Variants in PLEKHM3 observed in about 807,000 individuals in gnomAD.
The protein encoded by PLEKHM3 is pleckstrin homology domain-containing family M member 3.
Under a neutral mutation model 81.8 loss-of-function variants are expected in PLEKHM3, and 45 were observed. That is an observed-to-expected ratio of 0.55 (90% CI 0.43 to 0.71). The LOEUF is 0.71. Ranked by LOEUF, PLEKHM3 falls within the 30% of genes least tolerant of loss-of-function variation. The pLI is 0.00. For synonymous variants in PLEKHM3, 352 were observed against 356.4 expected, an observed-to-expected ratio of 0.99 and a Z score of 0.14; for missense variants, 788 against 924.3, an observed-to-expected ratio of 0.85 and a Z score of 1.91.
At position 208,011,785 on chromosome 2, in the gene PLEKHM3, CTTTTTTTTTTTTTTTTT is replaced by C. The variant is rs1177948830; in HGVS notation, c.-318-9845_-318-9829del. Among the ~76,000 whole-genome samples, 18 of 79,978 alleles carry C rather than the reference CTTTTTTTTTTTTTTTTT, an allele frequency of 2.3e-4. 1 individual carries two copies. The highest frequency in any genetic ancestry group is 1.1e-3 in the African/African-American group (18 of 16,768). The allele number at this position is 79,978 out of a possible 152,430, so 52.5% of individuals were successfully genotyped here. On this transcript the variant is annotated intron_variant, in intron 1 of 7. Coordinates refer to ENST00000427836, the MANE Select transcript of PLEKHM3 (RefSeq NM_001080475.3). ...AAAAATTTTTAAGTGCTCTGATAAA[CTTTTTTTTTTTTTTTTT>C]TTTTTTTTTTTTGAGACGGAGCTTC...
chr2:207,862,490 T>A (rs2092472816), intron 6 of PLEKHM3, among the ~76,000 whole-genome samples: 2 of 151,898 alleles, frequency 1.3e-5, no homozygotes, highest in African/African-American at 4.8e-5. Flanking sequence ...TACAAAAAAT[T>A]AGCCGGGCGT....
At chr2:207,877,791 T>C (rs1200971237) in intron 6 of PLEKHM3, among the ~76,000 whole-genome samples, 2 of 152,202 alleles carry the variant, frequency 1.3e-5, no homozygotes, top group Non-Finnish European at 2.9e-5. Context: ...GTTTCAACCA[T>C]TCCAAACCAT....
chr2:207,927,857 G>A (rs1470858197), intron 5 of PLEKHM3, among the ~76,000 whole-genome samples: 1 of 152,126 alleles, frequency 6.6e-6, no homozygotes, highest in Non-Finnish European at 1.5e-5. Context: ...TGGCCTGGCT[G>A]CAGGAAGTAT....
At chr2:208,002,944 G>A (rs991075074) in intron 1 of PLEKHM3, among the ~76,000 whole-genome samples, 3 of 151,370 alleles carry the variant, frequency 2.0e-5, no homozygotes, top group Admixed American at 2.0e-4. Context: ...CTAGGCAAGG[G>A]CTTTTTTAAT....
intron 2 of PLEKHM3, among the ~76,000 whole-genome samples, 165 bp downstream of exon 2, chr2:208,000,865 G>A (rs1692272816): frequency 6.6e-6 from 1 of 152,066 alleles, no homozygotes; most frequent in Non-Finnish European, 1.5e-5. Context: ...CAAGGCAGAT[G>A]TGGATGCTGG....
chr2:208,021,915 T>C (rs941654832), intron 1 of PLEKHM3, among the ~76,000 whole-genome samples: 1 of 152,274 alleles, frequency 6.6e-6, no homozygotes, highest in African/African-American at 2.4e-5. Flanking sequence ...ACTGTATCTA[T>C]TGATGACACC....
At chr2:207,977,836 A>G (rs575063444) in intron 2 of PLEKHM3, among the ~76,000 whole-genome samples, 1 of 152,312 alleles carries the variant, frequency 6.6e-6, no homozygotes, top group South Asian at 2.1e-4. Flanking sequence ...TTCTAATCCC[A>G]GCATTTTGGG....
intron 2 of PLEKHM3, 38 bp from the exon 3 acceptor site, chr2:207,977,624 T>C (rs1342610953): frequency 1.3e-6 from 2 of 1,528,742 alleles, no homozygotes; most frequent in African/African-American, 2.8e-5. Flanking sequence ...TGATTAGAAT[T>C]AGTTATAAGA....
At chr2:208,009,804 T>C (rs1056682532) in intron 1 of PLEKHM3, among the ~76,000 whole-genome samples, 5 of 152,226 alleles carry the variant, frequency 3.3e-5, no homozygotes, top group African/African-American at 1.2e-4. Context: ...CATCTGTAAG[T>C]ATATATACCA....
chr2:208,015,738 C>T (rs1159206245), intron 1 of PLEKHM3, among the ~76,000 whole-genome samples: 2 of 152,134 alleles, frequency 1.3e-5, no homozygotes, highest in African/African-American at 2.4e-5. Flanking sequence ...TGTTTCCCTG[C>T]AACATCATTT....
At chr2:207,878,835 A>T (rs1477253677) in intron 6 of PLEKHM3, among the ~76,000 whole-genome samples, 2 of 151,296 alleles carry the variant, frequency 1.3e-5, no homozygotes, top group Non-Finnish European at 2.9e-5. Context: ...TTTTATTTTT[A>T]TTTTTTTTAT....
chr2:207,923,849 ACG>A (rs1689270017), intron 5 of PLEKHM3, among the ~76,000 whole-genome samples: 2 of 53,614 alleles, frequency 3.7e-5, no homozygotes, highest in Admixed American at 2.2e-4. Context: ...ATACATACAC[ACG>A]CACGCACACA....
At chr2:207,924,602 T>C (rs1158300150) in intron 5 of PLEKHM3, among the ~76,000 whole-genome samples, 1 of 152,102 alleles carries the variant, frequency 6.6e-6, no homozygotes, top group African/African-American at 2.4e-5. Context: ...GGAGAATTGC[T>C]TGAACCTGGG....
intron 4 of PLEKHM3, among the ~76,000 whole-genome samples, chr2:207,931,908 G>T (rs577485675): frequency 6.6e-5 from 10 of 152,240 alleles, no homozygotes; most frequent in Non-Finnish European, 1.3e-4. Context: ...AGAAGGCGGG[G>T]GTTGCAGTGT....
At chr2:207,837,632 C>CCTT in intron 7 of PLEKHM3, among the ~76,000 whole-genome samples, 1 of 105,958 alleles carries the variant, frequency 9.4e-6, no homozygotes, top group African/African-American at 3.7e-5. Flanking sequence ...ATAGTTCTCC[C>CCTT]TTTTTTTTTT....
At chr2:207,909,079 A>G (rs1372557745) in intron 5 of PLEKHM3, among the ~76,000 whole-genome samples, 2 of 152,204 alleles carry the variant, frequency 1.3e-5, no homozygotes, top group Non-Finnish European at 2.9e-5. Flanking sequence ...TACGGCTTTC[A>G]TTAATGAGGA....
rs1475118648 is a variant in PLEKHM3, at chr2:207,824,903, C to T, written c.*3416G>A. On this transcript the variant is annotated 3_prime_UTR_variant, in exon 8 of 8. Coordinates refer to ENST00000427836, the MANE Select transcript of PLEKHM3 (RefSeq NM_001080475.3). ...ACAGATCCCAAGTATTAGACGTATT[C>T]CCTTCTTGGTGGAGGCCTACTCTAG... is the stretch of plus-strand genomic sequence containing the variant. 1 of 152,116 alleles carries T rather than the reference C, an allele frequency of 6.6e-6. No homozygotes were observed. The highest frequency in any genetic ancestry group is 1.5e-5 in the Non-Finnish European group (1 of 68,022). The allele number at this position is 152,116 out of a possible 1,614,324, so 9.4% of individuals were successfully genotyped here. A position where few individuals can be genotyped will look rare whatever the true frequency, so the allele number is the denominator to read the frequency against.
rs531495045 is a variant in PLEKHM3 at position 207,824,047 on chromosome 2, C to A, written c.*4272G>T. On this transcript the variant is annotated 3_prime_UTR_variant, in exon 8 of 8. Coordinates refer to ENST00000427836, the MANE Select transcript of PLEKHM3 (RefSeq NM_001080475.3). ...CTTAGTCACCCATCACTGGATTCGA[C>A]CTCGAGCAGACAGCTCTACCTGACT... 1 of 152,328 alleles carries A rather than the reference C, an allele frequency of 6.6e-6. No homozygotes were observed. The highest frequency in any genetic ancestry group is 1.5e-5 in the Non-Finnish European group (1 of 68,038). The allele number at this position is 152,328 out of a possible 1,614,324, so 9.4% of individuals were successfully genotyped here.
intron 1 of PLEKHM3, among the ~76,000 whole-genome samples, chr2:208,018,984 C>CAAA (rs756560377): frequency 7.3e-6 from 1 of 136,930 alleles, no homozygotes; most frequent in African/African-American, 2.7e-5. Context: ...CTGCATCTCA[C>CAAA]AAAAAAAAAA....
Sources: allele counts gnomAD v4.1 joint callset (sites outside exome capture counted in the v4.1 genomes callset), GRCh38; gene constraint gnomAD v4.1.1; transcripts MANE v1.5; gene names NCBI Gene and HGNC (gene_info 2026-07-23, HGNC 2026-07-21).